Variants in OIP5 observed in about 807,000 individuals in gnomAD.
The protein encoded by OIP5 is protein Mis18-beta.
Under a neutral mutation model 20.3 loss-of-function variants are expected in OIP5, and 24 were observed. The ratio of observed to expected loss-of-function variants is 1.18; its 90% CI spans 0.86 to 1.66. The LOEUF is 1.66. OIP5 is among the 40% of genes most tolerant of loss of function. OIP5 has a pLI of 0.00. For missense variants in OIP5, 339 were observed against 289.5 expected (o/e 1.17, Z -1.24); for synonymous variants, 143 against 121.3 (o/e 1.18, Z -1.17).
intron 3 of OIP5, among the ~76,000 whole-genome samples, chr15:41,316,447 T>C (rs1239534503): frequency 1.3e-5 from 2 of 152,148 alleles, no homozygotes; most frequent in East Asian, 3.8e-4. Context: ...TAAGTTTTAT[T>C]GTTTAGTCAA....
chr15:41,315,300 C>T (rs571984534), intron 3 of OIP5, among the ~76,000 whole-genome samples: 1 of 151,536 alleles, frequency 6.6e-6, no homozygotes, highest in Non-Finnish European at 1.5e-5. Context: ...TGTGGTGGAG[C>T]GCACCTGTGG....
intron 2 of OIP5, among the ~76,000 whole-genome samples, chr15:41,322,065 G>A (rs1428450102): frequency 6.6e-6 from 1 of 152,194 alleles, no homozygotes; most frequent in Non-Finnish European, 1.5e-5. Flanking sequence ...AGAGTCAGAT[G>A]TTGATTTTAG....
At chr15:41,321,694 A>T (rs2047830203) in intron 2 of OIP5, among the ~76,000 whole-genome samples, 1 of 151,766 alleles carries the variant, frequency 6.6e-6, no homozygotes, top group South Asian at 2.1e-4. Flanking sequence ...GCGGTGCAAG[A>T]TGTGCTTTGT....
chr15:41,318,068 AGAGG>A (rs1275313940), intron 3 of OIP5, among the ~76,000 whole-genome samples: 1 of 152,222 alleles, frequency 6.6e-6, no homozygotes, highest in East Asian at 1.9e-4. Context: ...CCCACCTATT[AGAGG>A]GAGAGAGAGG....
Position 41,310,681 on chromosome 15 carries a change from C to T in OIP5, c.595-832G>A, listed in dbSNP as rs571580564. On this transcript the variant is annotated intron_variant, in intron 4 of 4. Coordinates refer to ENST00000220514, the MANE Select transcript of OIP5 (RefSeq NM_007280.2). ...ATGTAAAGTTTCGTGTGAAAAAAGA[C>T]AAAACATTGCTGAGCAGCACTGCTA... Among the ~76,000 whole-genome samples the T allele has an allele frequency of 5.1e-4, 76 of 149,396 alleles. 1 individual carries two copies. Among genetic ancestry groups the T allele is most frequent in the African/African-American group, 1.8e-3 (72 of 40,766 alleles).
intron 2 of OIP5, among the ~76,000 whole-genome samples, chr15:41,323,928 T>G (rs1401567058): frequency 6.6e-6 from 1 of 152,054 alleles, no homozygotes; most frequent in East Asian, 1.9e-4. Flanking sequence ...GCTGTTTCAC[T>G]TTGGACTTTT....
At chr15:41,313,596 G>A (rs1340048751) in intron 3 of OIP5, among the ~76,000 whole-genome samples, 1 of 151,976 alleles carries the variant, frequency 6.6e-6, no homozygotes, top group East Asian at 1.9e-4. Flanking sequence ...TACTGAACAG[G>A]TACACTCTTT....
chr15:41,311,623 A>T (rs1325008250), intron 4 of OIP5, among the ~76,000 whole-genome samples: 1 of 152,164 alleles, frequency 6.6e-6, no homozygotes, highest in Non-Finnish European at 1.5e-5. Context: ...GCTAGAATGC[A>T]ATGGCGTGAT....
chr15:41,325,333 G>C (rs892717422), intron 2 of OIP5, among the ~76,000 whole-genome samples: 1 of 152,040 alleles, frequency 6.6e-6, no homozygotes, highest in African/African-American at 2.4e-5. Flanking sequence ...GTGAACCCAG[G>C]AGGCTGAGCT....
intron 3 of OIP5, among the ~76,000 whole-genome samples, chr15:41,318,307 G>C (rs558825209): frequency 4.6e-5 from 7 of 152,118 alleles, no homozygotes; most frequent in African/African-American, 1.2e-4. Flanking sequence ...GACCACAGGC[G>C]TGTGCCACCA....
intron 2 of OIP5, among the ~76,000 whole-genome samples, chr15:41,331,710 C>G (rs1415406153): frequency 6.6e-6 from 1 of 152,152 alleles, no homozygotes. Context: ...CTTGTACAAG[C>G]CACCTGGGAG....
rs944057665 is a variant in OIP5 at position 41,332,387 on chromosome 15, C to T, written c.175G>A (p.Glu59Lys). ...GGCAGCTGCGGGCCGGCGGCTGGCTCCTCAGCCCCCAGCCCTGCGGGGCCG... is the reference window on the plus strand; with the variant it reads ...GGCAGCTGCGGGCCGGCGGCTGGCTTCTCAGCCCCCAGCCCTGCGGGGCCG... ...PLGPAGLGAE[E>K]PAAGPQLPSW... Residue 59 changes from glutamate (E) to lysine (K), a missense_variant, in exon 1 of 5, where the codon GAG becomes AAG. By Grantham distance (56) the Glu-to-Lys change is moderately conservative. Transcript: ENST00000220514. 2 of 1,613,158 alleles carry T rather than the reference C, an allele frequency of 1.2e-6. No individual in the cohort carries two copies. The highest frequency in any genetic ancestry group is 1.7e-6 in the Non-Finnish European group (2 of 1,179,520).
intron 2 of OIP5, among the ~76,000 whole-genome samples, chr15:41,331,387 A>G (rs996820953): frequency 2.6e-5 from 4 of 152,178 alleles, no homozygotes; most frequent in African/African-American, 9.7e-5. Flanking sequence ...AAAAGTTCTA[A>G]TATCAAGCGT....
rs931939397 is a variant in OIP5, at chr15:41,309,962, C to G, written c.595-113G>C. ...GGAGTACAGTGGCACATTCATAGTT[C>G]ACTGCAGCCTCAAGCTCCTGCTCTC... On this transcript the variant is annotated intron_variant, in intron 4 of 4. Coordinates refer to ENST00000220514, the MANE Select transcript of OIP5 (RefSeq NM_007280.2). The G allele has an allele frequency of 4.7e-6, 3 of 637,252 alleles. No homozygotes were observed. In the African/African-American group the frequency reaches 5.6e-5, roughly 12 times the overall value. 39.5% of individuals were successfully genotyped at this position (637,252 alleles called of 1,614,324 possible). A position where few individuals can be genotyped will look rare whatever the true frequency, so the allele number is the denominator to read the frequency against.
intron 2 of OIP5, among the ~76,000 whole-genome samples, chr15:41,322,979 T>C (rs1291105380): frequency 2.0e-5 from 3 of 151,880 alleles, no homozygotes; most frequent in African/African-American, 7.2e-5. Context: ...GAAATATTCA[T>C]GTCAGTGGAT....
chr15:41,313,707 T>C (rs1197983679), intron 3 of OIP5, among the ~76,000 whole-genome samples: 1 of 152,174 alleles, frequency 6.6e-6, no homozygotes, highest in Non-Finnish European at 1.5e-5. Flanking sequence ...TCATAAGTAA[T>C]CTGGAGATTA....
intron 2 of OIP5, among the ~76,000 whole-genome samples, chr15:41,327,572 G>A (rs1316313634): frequency 1.3e-5 from 2 of 148,198 alleles, no homozygotes; most frequent in African/African-American, 2.6e-5. Flanking sequence ...GGAGGATCAC[G>A]AAGTCAGGAG....
At chr15:41,325,353 C>T (rs2140465301) in intron 2 of OIP5, among the ~76,000 whole-genome samples, 1 of 152,066 alleles carries the variant, frequency 6.6e-6, no homozygotes, top group East Asian at 1.9e-4. Flanking sequence ...TTGCAGTGAG[C>T]CTAGATCACG....
intron 2 of OIP5, among the ~76,000 whole-genome samples, chr15:41,322,573 T>G (rs1050863173): frequency 3.9e-5 from 6 of 152,204 alleles, no homozygotes; most frequent in African/African-American, 1.4e-4. Context: ...ATTTTTTTTT[T>G]GGCAGAAATG....
Sources: gnomAD v4.1 joint callset for allele counts (sites outside exome capture counted in the v4.1 genomes callset) on GRCh38, gnomAD v4.1.1 for gene constraint, MANE v1.5 for transcripts, NCBI Gene and HGNC (gene_info 2026-07-23, HGNC 2026-07-21) for gene names.